The following ARHGAP24 variants were observed in gnomAD, a reference collection of about 807,000 sequenced individuals.
ARHGAP24 encodes rho GTPase-activating protein 24.
In ARHGAP24, 50 loss-of-function variants were observed where a neutral mutation model predicts 76.4. That is an observed-to-expected ratio of 0.65 (90% CI 0.52 to 0.83). ARHGAP24 has a LOEUF of 0.83. Ranked by LOEUF, ARHGAP24 falls within the 40% of genes least tolerant of loss-of-function variation. The pLI is 0.00. For missense variants in ARHGAP24, 930 were observed against 914.2 expected (o/e 1.02, Z -0.22); for synonymous variants, 345 against 323.3 (o/e 1.07, Z -0.72).
At chr4:85,984,471 A>G (rs558911319) in intron 8 of ARHGAP24, among the ~76,000 whole-genome samples, 1 of 152,240 alleles carries the variant, frequency 6.6e-6, no homozygotes, top group African/African-American at 2.4e-5. Flanking sequence ...GATCTCTTTT[A>G]TGCTCGTACT....
At chr4:85,602,817 T>TA (rs1297469577) in intron 2 of ARHGAP24, among the ~76,000 whole-genome samples, 1 of 152,242 alleles carries the variant, frequency 6.6e-6, no homozygotes, top group Admixed American at 6.5e-5. Context: ...CGTCCTATTC[T>TA]AAATTCCTCA....
chr4:85,842,893 C>A (rs1024038893), intron 3 of ARHGAP24, among the ~76,000 whole-genome samples: 1 of 152,144 alleles, frequency 6.6e-6, no homozygotes, highest in Non-Finnish European at 1.5e-5. Flanking sequence ...GTATCAGTAA[C>A]CCTGATGAAC....
chr4:85,616,137 C>T (rs1720532420), intron 2 of ARHGAP24, among the ~76,000 whole-genome samples: 1 of 152,184 alleles, frequency 6.6e-6, no homozygotes, highest in South Asian at 2.1e-4. Flanking sequence ...TTTTCCGCAT[C>T]ATTGGTTTCT....
intron 3 of ARHGAP24, among the ~76,000 whole-genome samples, chr4:85,792,239 T>C (rs1728163393): frequency 6.6e-6 from 1 of 152,042 alleles, no homozygotes; most frequent in Non-Finnish European, 1.5e-5. Context: ...CTTTTGACGG[T>C]TTTAAAAACT....
At chr4:85,548,168 T>G (rs972084808) in intron 1 of ARHGAP24, among the ~76,000 whole-genome samples, 1 of 152,220 alleles carries the variant, frequency 6.6e-6, no homozygotes, top group African/African-American at 2.4e-5. Context: ...CCATCATTCT[T>G]GAGGATTTCC....
At chr4:85,642,863 G>A (rs1310732592) in intron 2 of ARHGAP24, among the ~76,000 whole-genome samples, 2 of 152,086 alleles carry the variant, frequency 1.3e-5, no homozygotes, top group African/African-American at 4.8e-5. Flanking sequence ...TAGTCCCGTC[G>A]TTCTCAGAAC....
chr4:85,681,390 A>C (rs1436111822), intron 2 of ARHGAP24, among the ~76,000 whole-genome samples: 1 of 152,182 alleles, frequency 6.6e-6, no homozygotes, highest in African/African-American at 2.4e-5. Context: ...GCCTAACCAC[A>C]CAATGAACAG....
intron 2 of ARHGAP24, among the ~76,000 whole-genome samples, chr4:85,601,647 A>G (rs1371911582): frequency 6.6e-6 from 1 of 152,190 alleles, no homozygotes; most frequent in South Asian, 2.1e-4. Flanking sequence ...GCAACTAATG[A>G]TGTTAAAAAT....
rs139866074 is a variant in ARHGAP24 at position 85,597,609 on chromosome 4, A to T, written c.180+26888A>T. On this transcript the variant is annotated intron_variant, in intron 2 of 9. Transcript: ENST00000395184. ...GAATCTCTTTGAAAATATAACATTTATAATCCTTTAGGGCAGCAACTTTTT... is the reference window on the plus strand; with the variant it reads ...GAATCTCTTTGAAAATATAACATTTTTAATCCTTTAGGGCAGCAACTTTTT... 1.5e-4 allele frequency among the ~76,000 whole-genome samples: 18 copies of T among 120,372 alleles called. No homozygotes were observed. In the East Asian group the frequency reaches 4.6e-3, roughly 31 times the overall value. The allele number at this position is 120,372 out of a possible 152,430, so 79.0% of individuals were successfully genotyped here.
At chr4:85,606,319 C>A (rs1417433473) in intron 2 of ARHGAP24, among the ~76,000 whole-genome samples, 1 of 152,048 alleles carries the variant, frequency 6.6e-6, no homozygotes, top group Admixed American at 6.6e-5. Context: ...CGAGACCATC[C>A]TGGCTAACAC....
intron 3 of ARHGAP24, among the ~76,000 whole-genome samples, chr4:85,869,287 G>A (rs182804655): frequency 1.6e-3 from 236 of 152,256 alleles, no homozygotes; most frequent in Non-Finnish European, 2.8e-3. Flanking sequence ...GGGCTGCTGC[G>A]CTCCAGGAGG....
At chr4:85,960,870 A>G (rs1738203777) in intron 5 of ARHGAP24, among the ~76,000 whole-genome samples, 1 of 152,182 alleles carries the variant, frequency 6.6e-6, no homozygotes, top group African/African-American at 2.4e-5. Flanking sequence ...AGTCAGGACC[A>G]GTACCTTTAT....
chr4:85,720,603 C>T (rs1282498281), intron 2 of ARHGAP24, among the ~76,000 whole-genome samples: 1 of 152,132 alleles, frequency 6.6e-6, no homozygotes, highest in Admixed American at 6.6e-5. Context: ...AAATATTACT[C>T]CGATATTCAT....
At chr4:85,757,338 G>C (rs1436565331) in intron 3 of ARHGAP24, among the ~76,000 whole-genome samples, 4 of 151,174 alleles carry the variant, frequency 2.6e-5, no homozygotes, top group Non-Finnish European at 5.9e-5. Flanking sequence ...TTTACATTAG[G>C]TATTTCTCCT....
chr4:85,714,771 T>C lies in ARHGAP24; in HGVS notation c.181-7114T>C, dbSNP rs921090359. Among the ~76,000 whole-genome samples the C allele has an allele frequency of 1.4e-4, 22 of 152,266 alleles. No individual in the cohort carries two copies. The South Asian group carries it at 2.5e-3, about 17-fold the overall frequency. Reference sequence around the variant, plus strand: ...TTACCAATTTGCAAGTCTTCCCATCTCTTTTCTCCCCCTGGTAGTACCCCC... The same window carrying C: ...TTACCAATTTGCAAGTCTTCCCATCCCTTTTCTCCCCCTGGTAGTACCCCC... On this transcript the variant is annotated intron_variant, in intron 2 of 9. Coordinates refer to ENST00000395184, the MANE Select transcript of ARHGAP24 (RefSeq NM_001025616.3).
chr4:85,578,910 T>G (rs1051621069), intron 2 of ARHGAP24, among the ~76,000 whole-genome samples: 2 of 152,194 alleles, frequency 1.3e-5, no homozygotes, highest in Non-Finnish European at 2.9e-5. Flanking sequence ...TTTTCGTTGG[T>G]CATGCTAACT....
chr4:85,783,391 A>G (rs1468238337), intron 3 of ARHGAP24, among the ~76,000 whole-genome samples: 1 of 152,120 alleles, frequency 6.6e-6, no homozygotes, highest in African/African-American at 2.4e-5. Context: ...AAATTAGGAT[A>G]AGCATTCTTT....
chr4:85,783,978 GC>G (rs1439453770), intron 3 of ARHGAP24, among the ~76,000 whole-genome samples: 7 of 152,022 alleles, frequency 4.6e-5, no homozygotes, highest in Admixed American at 1.3e-4. Flanking sequence ...CAAATCTTCA[GC>G]CTTTTCAACC....
chr4:85,942,990 CTT>C (rs1197184642), intron 5 of ARHGAP24, among the ~76,000 whole-genome samples: 2 of 151,996 alleles, frequency 1.3e-5, no homozygotes, highest in Non-Finnish European at 2.9e-5. Context: ...TATATTTTAA[CTT>C]AACATTTTAC....
Sources: allele counts gnomAD v4.1 joint callset (sites outside exome capture counted in the v4.1 genomes callset), GRCh38; gene constraint gnomAD v4.1.1; transcripts MANE v1.5; gene names NCBI Gene and HGNC (gene_info 2026-07-23, HGNC 2026-07-21).